OPCML: variants seen among roughly 807,000 people sequenced by gnomAD.
OPCML encodes the protein opioid-binding protein/cell adhesion molecule.
A neutral mutation model predicts 37.8 loss-of-function variants in OPCML; 13 were observed. That is an observed-to-expected ratio of 0.34 (90% CI 0.22 to 0.55). The LOEUF (loss-of-function observed/expected upper bound fraction) is 0.55, where lower values mean the gene tolerates loss of function less well. OPCML is among the 20% of genes least tolerant of loss of function. OPCML has a pLI of 0.91. For missense variants in OPCML, 341 were observed against 435.6 expected, an observed-to-expected ratio of 0.78 and a Z score of 1.93; for synonymous variants, 176 against 168.8, an observed-to-expected ratio of 1.04 and a Z score of -0.33.
Position 132,528,932 on chromosome 11 carries a change from G to A in OPCML, c.505+129C>T, listed in dbSNP as rs2096315994. 5 of 583,914 alleles carry A rather than the reference G, an allele frequency of 8.6e-6. No individual in the cohort carries two copies. In the South Asian group the frequency reaches 1.4e-4, roughly 16 times the overall value. 36.2% of individuals were successfully genotyped at this position (583,914 alleles called of 1,614,324 possible). Reference sequence around the variant, plus strand: ...TGAAATGAAATAGCCAGCAATTGGTGCATATTGCCTGTTTGATTTTCTATG... The same window carrying A: ...TGAAATGAAATAGCCAGCAATTGGTACATATTGCCTGTTTGATTTTCTATG... On this transcript the variant is annotated intron_variant, in intron 4 of 7. Coordinates refer to ENST00000524381, the MANE Select transcript of OPCML (RefSeq NM_001012393.5).
At chr11:132,683,824 G>A (rs556265588) in intron 2 of OPCML, among the ~76,000 whole-genome samples, 1 of 152,262 alleles carries the variant, frequency 6.6e-6, no homozygotes, top group East Asian at 1.9e-4. Context: ...GGGACCTTGG[G>A]AAAGTGGCTC....
chr11:133,025,404 C>A, intron 1 of OPCML: 10 of 985,216 alleles, frequency 1.0e-5, no homozygotes, highest in Non-Finnish European at 1.2e-5. Flanking sequence ...AAGAGTATTC[C>A]CAAAATGTGT....
chr11:132,695,845 G>A (rs1178107884), intron 2 of OPCML, among the ~76,000 whole-genome samples: 1 of 152,156 alleles, frequency 6.6e-6, no homozygotes, highest in African/African-American at 2.4e-5. Flanking sequence ...AGATGAACAA[G>A]ACACAAGGAA....
chr11:133,063,789 T>C (rs1452250806), intron 1 of OPCML, among the ~76,000 whole-genome samples: 3 of 152,170 alleles, frequency 2.0e-5, no homozygotes, highest in Admixed American at 2.0e-4. Context: ...CTTGAACTCC[T>C]GACCTCAGGT....
intron 2 of OPCML, among the ~76,000 whole-genome samples, chr11:132,665,250 GA>G (rs1317173933): frequency 1.3e-5 from 2 of 152,180 alleles, no homozygotes; most frequent in Non-Finnish European, 2.9e-5. Flanking sequence ...ACCTGAGGCA[GA>G]AAATCAGCCA....
intron 4 of OPCML, among the ~76,000 whole-genome samples, chr11:132,501,370 A>C (rs1322777933): frequency 6.6e-6 from 1 of 152,158 alleles, no homozygotes; most frequent in African/African-American, 2.4e-5. Context: ...CAGAAGCCAA[A>C]ATTGACAAAT....
intron 1 of OPCML, among the ~76,000 whole-genome samples, chr11:133,430,457 T>C (rs1346861698): frequency 6.6e-6 from 1 of 152,070 alleles, no homozygotes; most frequent in Non-Finnish European, 1.5e-5. Flanking sequence ...TGTAAAATAA[T>C]AAAATATTAA....
intron 3 of OPCML, among the ~76,000 whole-genome samples, chr11:132,597,165 C>CTGT (rs2096493683): frequency 6.6e-6 from 1 of 152,208 alleles, no homozygotes; most frequent in East Asian, 1.9e-4. Context: ...GAACTCTAAA[C>CTGT]TGTTATCTTT....
rs530515595 is a variant in OPCML, at chr11:133,285,461, G to C, written c.61+246803C>G. Among the ~76,000 whole-genome samples, 14 of 152,246 alleles carry C rather than the reference G, an allele frequency of 9.2e-5. No individual in the cohort carries two copies. The South Asian group carries it at 2.7e-3, about 29-fold the overall frequency. On this transcript the variant is annotated intron_variant, in intron 1 of 7. Transcript: ENST00000524381. Reference sequence around the variant, plus strand: ...GTACGTGGGGAATCTTTGTTGTGCCGGTCTGTTTTAGTTGCTGTGATCCAT... The same window carrying C: ...GTACGTGGGGAATCTTTGTTGTGCCCGTCTGTTTTAGTTGCTGTGATCCAT...
intron 3 of OPCML, among the ~76,000 whole-genome samples, chr11:132,617,216 T>C (rs1939088734): frequency 6.6e-6 from 1 of 152,234 alleles, no homozygotes; most frequent in Non-Finnish European, 1.5e-5. Context: ...ATTTATGATA[T>C]GTTAGAAACT....
intron 1 of OPCML, among the ~76,000 whole-genome samples, chr11:133,152,159 C>A (rs1434711599): frequency 6.6e-6 from 1 of 152,006 alleles, no homozygotes; most frequent in African/African-American, 2.4e-5. Context: ...GAATCCAAAC[C>A]GCTGAACAAA....
chr11:133,132,360 A>G lies in OPCML; in HGVS notation c.62-189350T>C, dbSNP rs74775269. Among the ~76,000 whole-genome samples the G allele has an allele frequency of 3.3e-3, 498 of 152,308 alleles. 2 individuals are homozygous for G. The highest frequency in any genetic ancestry group is 5.3e-3 in the Non-Finnish European group (360 of 68,036). On this transcript the variant is annotated intron_variant, in intron 1 of 7. Coordinates refer to ENST00000524381, the MANE Select transcript of OPCML (RefSeq NM_001012393.5). ...CTACAACACTATTCAAACAGCTACA[A>G]TTAAAAAGACTGATTATACCTGGTG...
chr11:133,358,917 C>A lies in OPCML; in HGVS notation c.61+173347G>T, dbSNP rs11605148. On this transcript the variant is annotated intron_variant, in intron 1 of 7. Transcript: ENST00000524381. ...CAGGTGTCTGATGGGTTTACAGAGA[C>A]CAGCGTGGCTGGGCTGCAGGGTATG... Among the ~76,000 whole-genome samples the A allele has an allele frequency of 6.8e-3, 1,027 of 151,922 alleles. 9 individuals are homozygous for A. Among genetic ancestry groups the A allele is most frequent in the Non-Finnish European group, 8.1e-3 (553 of 67,974 alleles).
intron 1 of OPCML, among the ~76,000 whole-genome samples, chr11:133,459,791 A>G (rs1363453531): frequency 6.6e-6 from 1 of 152,060 alleles, no homozygotes; most frequent in Non-Finnish European, 1.5e-5. Context: ...TTAATACTTC[A>G]CTTTCAGTAA....
At chr11:132,552,778 T>TTTTTTTTTTTTTTTTTTTTTC (rs2096385173) in intron 3 of OPCML, among the ~76,000 whole-genome samples, 1 of 145,494 alleles carries the variant, frequency 6.9e-6, no homozygotes. Flanking sequence ...TTTTTTTTTT[T>TTTTTTTTTTTTTTTTTTTTTC]TGAGACCGAG....
intron 2 of OPCML, among the ~76,000 whole-genome samples, chr11:132,800,584 T>C (rs34001010): frequency 0.083 from 12,689 of 152,200 alleles, 571 homozygotes; most frequent in Non-Finnish European, 0.093. Context: ...AGAAGGTCCC[T>C]TCTAGTCTAA....
intron 1 of OPCML, among the ~76,000 whole-genome samples, chr11:133,336,422 G>T (rs929831145): frequency 2.6e-5 from 4 of 152,114 alleles, no homozygotes; most frequent in Admixed American, 6.5e-5. Context: ...TGGAATCTAG[G>T]ACCAGACAAA....
At chr11:133,289,571 G>C (rs1248269744) in intron 1 of OPCML, among the ~76,000 whole-genome samples, 1 of 144,428 alleles carries the variant, frequency 6.9e-6, no homozygotes, top group Admixed American at 6.8e-5. Flanking sequence ...CTCCAGCCTG[G>C]GCGACAGAGC....
intron 2 of OPCML, among the ~76,000 whole-genome samples, chr11:132,694,482 C>A (rs1005929051): frequency 6.6e-6 from 1 of 152,064 alleles, no homozygotes; most frequent in African/African-American, 2.4e-5. Flanking sequence ...TAGGCGTGAG[C>A]CACCGTGCCT....
Sources: allele counts gnomAD v4.1 joint callset (sites outside exome capture counted in the v4.1 genomes callset), GRCh38; gene constraint gnomAD v4.1.1; transcripts MANE v1.5; gene names NCBI Gene and HGNC (gene_info 2026-07-23, HGNC 2026-07-21).